TBCE: variants seen among roughly 807,000 people sequenced by gnomAD.
TBCE encodes tubulin-specific chaperone E.
A neutral mutation model predicts 77.0 loss-of-function variants in TBCE; 53 were observed. The ratio of observed to expected loss-of-function variants is 0.69; its 90% CI spans 0.55 to 0.87. TBCE has a LOEUF of 0.87. Ranked by LOEUF, TBCE falls within the 40% of genes least tolerant of loss-of-function variation. The pLI, the probability that TBCE is intolerant of heterozygous loss-of-function variation, is 0.00. For synonymous variants in TBCE, 235 were observed against 241.3 expected, an observed-to-expected ratio of 0.97 and a Z score of 0.24; for missense variants, 624 against 622.4, an observed-to-expected ratio of 1.00 and a Z score of -0.03.
At chr1:235,436,307 T>G (rs1428209094) in intron 9 of TBCE, 79 bp from the exon 10 acceptor site, 8 of 1,432,168 alleles carry the variant, frequency 5.6e-6, no homozygotes, top group Admixed American at 1.7e-5. Flanking sequence ...AGGAAAAAAA[T>G]TTACAAACCG....
chr1:235,427,904 A>G (rs1452485731), intron 6 of TBCE, among the ~76,000 whole-genome samples: 1 of 151,274 alleles, frequency 6.6e-6, no homozygotes, highest in African/African-American at 2.4e-5. Flanking sequence ...GTGGCATGCA[A>G]CTGTAGTCCC....
chr1:235,408,143 A>G (rs1480578752), intron 3 of TBCE, among the ~76,000 whole-genome samples: 2 of 152,238 alleles, frequency 1.3e-5, no homozygotes, highest in African/African-American at 2.4e-5. Context: ...TGGATGGTTG[A>G]CAATTTAAGA....
At chr1:235,408,391 G>T (rs984696543) in intron 3 of TBCE, among the ~76,000 whole-genome samples, 1 of 150,454 alleles carries the variant, frequency 6.6e-6, no homozygotes, top group Non-Finnish European at 1.5e-5. Context: ...TTAATGGATT[G>T]GTATAAAATA....
intron 5 of TBCE, among the ~76,000 whole-genome samples, chr1:235,426,903 C>T (rs562985311): frequency 6.6e-6 from 1 of 152,348 alleles, no homozygotes; most frequent in South Asian, 2.1e-4. Flanking sequence ...ACCTTGGCAT[C>T]CCAAAGTGCC....
intron 6 of TBCE, 92 bp downstream of exon 6, chr1:235,427,331 C>T (rs1043701126): frequency 6.2e-5 from 62 of 1,001,508 alleles, no homozygotes; most frequent in Non-Finnish European, 8.7e-5. Flanking sequence ...GGTAGGGAGC[C>T]GGAAGGGTTA....
At chr1:235,438,957 G>A (rs759200320) in intron 13 of TBCE, 35 bp downstream of exon 13, 5 of 1,614,056 alleles carry the variant, frequency 3.1e-6, no homozygotes. Flanking sequence ...TTCAGGTGGT[G>A]GATTTCCAGC....
intron 2 of TBCE, among the ~76,000 whole-genome samples, chr1:235,383,257 C>T (rs1402069216): frequency 6.6e-6 from 1 of 151,732 alleles, no homozygotes; most frequent in Non-Finnish European, 1.5e-5. Context: ...TGTGATGCCT[C>T]CAGCTTTGTT....
chr1:235,421,777 A>G (rs1428995782), intron 5 of TBCE, among the ~76,000 whole-genome samples: 1 of 152,196 alleles, frequency 6.6e-6, no homozygotes, highest in Non-Finnish European at 1.5e-5. Flanking sequence ...TCTTTCCCCA[A>G]TTCATTAAGT....
intron 8 of TBCE, among the ~76,000 whole-genome samples, chr1:235,434,952 T>A (rs1444411950): frequency 2.0e-5 from 3 of 152,134 alleles, no homozygotes; most frequent in Non-Finnish European, 2.9e-5. Flanking sequence ...TGTTGCCTCA[T>A]CTCCTTTTTA....
At chr1:235,370,798 A>G (rs1406020311) in intron 1 of TBCE, among the ~76,000 whole-genome samples, 2 of 146,090 alleles carry the variant, frequency 1.4e-5, no homozygotes, top group East Asian at 2.0e-4. Context: ...CTGGAGTGCA[A>G]TTGTGTGATG....
chr1:235,451,960 G>A lies in TBCE; in HGVS notation c.*3198G>A, dbSNP rs1461818066. 6.6e-6 allele frequency: 1 copy of A among 152,042 alleles called. No individual in the cohort carries two copies. Among genetic ancestry groups the A allele is most frequent in the Non-Finnish European group, 1.5e-5 (1 of 68,016 alleles). The allele number at this position is 152,042 out of a possible 1,614,324, so 9.4% of individuals were successfully genotyped here. A position where few individuals can be genotyped will look rare whatever the true frequency, so the allele number is the denominator to read the frequency against. ...TTCATGCAGTGTCTTATTTTTATCG[G>A]TCAGAAGGGTTGAAGGATCCTTAGA... On this transcript the variant is annotated 3_prime_UTR_variant, in exon 17 of 17. Coordinates refer to ENST00000642610, the MANE Select transcript of TBCE (RefSeq NM_003193.5).
At chr1:235,413,348 G>A (rs1679920490) in intron 3 of TBCE, among the ~76,000 whole-genome samples, 1 of 149,820 alleles carries the variant, frequency 6.7e-6, no homozygotes, top group Admixed American at 6.7e-5. Flanking sequence ...GTGACAGAGT[G>A]AGACCCCCTT....
intron 2 of TBCE, among the ~76,000 whole-genome samples, chr1:235,395,294 C>T (rs1418286629): frequency 6.6e-6 from 1 of 152,072 alleles, no homozygotes; most frequent in Non-Finnish European, 1.5e-5. Context: ...GCATATAATA[C>T]ATAATAATCA....
chr1:235,417,017 A>G (rs1280287635), intron 4 of TBCE, among the ~76,000 whole-genome samples: 1 of 152,256 alleles, frequency 6.6e-6, no homozygotes, highest in Non-Finnish European at 1.5e-5. Context: ...AATTAATGAT[A>G]GCTGTCAGTT....
chr1:235,372,608 C>T (rs1465861915), intron 1 of TBCE, among the ~76,000 whole-genome samples: 2 of 151,930 alleles, frequency 1.3e-5, no homozygotes, highest in East Asian at 3.9e-4. Context: ...ATAGAGAGAT[C>T]CCTTCTCTAC....
At chr1:235,424,757 G>A (rs1337578919) in intron 5 of TBCE, among the ~76,000 whole-genome samples, 7 of 151,900 alleles carry the variant, frequency 4.6e-5, no homozygotes, top group Non-Finnish European at 8.8e-5. Flanking sequence ...CGCCCGCCTC[G>A]GCCACCCAAC....
chr1:235,402,948 A>G lies in TBCE; in HGVS notation c.185+1361A>G, dbSNP rs556687370. Reference sequence around the variant, plus strand: ...ACCAGCCCCACTTTTAACAGTCTTTATGGTCCTGAACAAGACAAGTTTACT... The same window carrying G: ...ACCAGCCCCACTTTTAACAGTCTTTGTGGTCCTGAACAAGACAAGTTTACT... On this transcript the variant is annotated intron_variant, in intron 3 of 16. Transcript: ENST00000642610. 1.1e-4 allele frequency among the ~76,000 whole-genome samples: 16 copies of G among 152,166 alleles called. No homozygotes were observed. In the East Asian group the frequency reaches 3.1e-3, roughly 30 times the overall value.
intron 2 of TBCE, among the ~76,000 whole-genome samples, chr1:235,383,877 G>A (rs1677833328): frequency 6.6e-6 from 1 of 151,926 alleles, no homozygotes; most frequent in Non-Finnish European, 1.5e-5. Context: ...GTGAGAGAGG[G>A]CATCCCTGTC....
chr1:235,375,097 T>G (rs1677214430), intron 1 of TBCE, among the ~76,000 whole-genome samples: 1 of 151,466 alleles, frequency 6.6e-6, no homozygotes, highest in South Asian at 2.1e-4. Context: ...ATTTTTTGTA[T>G]TTTTAGTAGA....
Sources: gnomAD v4.1 joint callset for allele counts (sites outside exome capture counted in the v4.1 genomes callset) on GRCh38, gnomAD v4.1.1 for gene constraint, MANE v1.5 for transcripts, NCBI Gene and HGNC (gene_info 2026-07-23, HGNC 2026-07-21) for gene names.